The following GPC6 variants were observed in gnomAD, a reference collection of about 807,000 sequenced individuals.
GPC6 encodes the protein glypican-6.
GPC6 carries 14 observed loss-of-function variants against 55.2 expected under a neutral mutation model. The observed-to-expected ratio is 0.25, with a 90% CI of 0.17 to 0.40. The LOEUF (loss-of-function observed/expected upper bound fraction) is 0.40. GPC6 is among the 10% of genes least tolerant of loss of function. The pLI, the probability that GPC6 is intolerant of heterozygous loss-of-function variation, is 1.00. For synonymous variants in GPC6, 278 were observed against 259.6 expected (o/e 1.07, Z -0.68); for missense variants, 641 against 708.5 (o/e 0.90, Z 1.08).
chr13:93,493,589 C>T (rs1270912049), intron 1 of GPC6, among the ~76,000 whole-genome samples: 30 of 135,838 alleles, frequency 2.2e-4, no homozygotes, highest in African/African-American at 7.4e-4. Flanking sequence ...TGCTCTTGCT[C>T]TTCTAGTTCT....
At chr13:94,116,615 A>G (rs1408118740) in intron 4 of GPC6, among the ~76,000 whole-genome samples, 1 of 152,088 alleles carries the variant, frequency 6.6e-6, no homozygotes, top group African/African-American at 2.4e-5. Flanking sequence ...CCAGAAGATA[A>G]CTTTCCATTT....
intron 2 of GPC6, among the ~76,000 whole-genome samples, chr13:93,725,591 T>G (rs1883607381): frequency 6.6e-6 from 1 of 152,044 alleles, no homozygotes; most frequent in Non-Finnish European, 1.5e-5. Flanking sequence ...CGGTAAAGAT[T>G]TGGTCAGTTC....
At chr13:93,894,070 TGATGATAC>T (rs1318093115) in intron 3 of GPC6, among the ~76,000 whole-genome samples, 1 of 152,202 alleles carries the variant, frequency 6.6e-6, no homozygotes, top group African/African-American at 2.4e-5. Flanking sequence ...GTGGTCACTA[TGATGATAC>T]TACCTCTTTA....
At chr13:93,853,213 G>A (rs1348942186) in intron 3 of GPC6, among the ~76,000 whole-genome samples, 1 of 151,584 alleles carries the variant, frequency 6.6e-6, no homozygotes, top group African/African-American at 2.4e-5. Context: ...ATAATTCAAG[G>A]TTAAGTAACA....
chr13:94,000,578 G>T (rs80343726), intron 3 of GPC6, among the ~76,000 whole-genome samples: 2,095 of 152,272 alleles, frequency 0.014, 37 homozygotes, highest in East Asian at 0.082. Context: ...AAGTTGGACA[G>T]TTGGAACTGG....
chr13:94,231,834 A>C (rs1236995369), intron 4 of GPC6, among the ~76,000 whole-genome samples: 1 of 151,640 alleles, frequency 6.6e-6, no homozygotes, highest in Non-Finnish European at 1.5e-5. Flanking sequence ...TGAAAACACA[A>C]AAAAAATGTC....
chr13:93,903,662 A>G (rs1876482068), intron 3 of GPC6, among the ~76,000 whole-genome samples: 1 of 152,216 alleles, frequency 6.6e-6, no homozygotes, highest in East Asian at 1.9e-4. Context: ...GGAGATTATC[A>G]ATACAAACAA....
chr13:93,742,164 G>A (rs908155791), intron 2 of GPC6, among the ~76,000 whole-genome samples: 1 of 151,394 alleles, frequency 6.6e-6, no homozygotes, highest in South Asian at 2.1e-4. Context: ...TTTATTCGTG[G>A]AGATCTGTCT....
At chr13:94,060,057 A>G (rs974114184) in intron 4 of GPC6, among the ~76,000 whole-genome samples, 1 of 152,092 alleles carries the variant, frequency 6.6e-6, no homozygotes, top group Middle Eastern at 3.2e-3. Context: ...TTTCAAATTT[A>G]TTATACAGAA....
chr13:93,615,831 C>T (rs1303128550), intron 2 of GPC6, among the ~76,000 whole-genome samples: 2 of 152,050 alleles, frequency 1.3e-5, no homozygotes, highest in Non-Finnish European at 2.9e-5. Flanking sequence ...ACTAAAAATT[C>T]TAAAACTCTC....
chr13:93,774,055 G>A (rs972409966), intron 2 of GPC6, among the ~76,000 whole-genome samples: 2 of 152,154 alleles, frequency 1.3e-5, no homozygotes, highest in Non-Finnish European at 2.9e-5. Context: ...ACAGATCCGT[G>A]GGCATAGCTG....
At chr13:93,786,261 G>T (rs958047205) in intron 2 of GPC6, among the ~76,000 whole-genome samples, 17 of 152,102 alleles carry the variant, frequency 1.1e-4, no homozygotes, top group Admixed American at 2.6e-4. Flanking sequence ...CTGTCCACTG[G>T]AACTTCCAGA....
chr13:94,387,982 T>C (rs1034266513), intron 7 of GPC6, among the ~76,000 whole-genome samples: 1 of 152,196 alleles, frequency 6.6e-6, no homozygotes, highest in Non-Finnish European at 1.5e-5. Flanking sequence ...AGATTCAGCA[T>C]TTCTAACAAG....
chr13:93,465,664 G>A (rs974094324), intron 1 of GPC6, among the ~76,000 whole-genome samples: 3 of 152,154 alleles, frequency 2.0e-5, no homozygotes, highest in African/African-American at 7.2e-5. Flanking sequence ...CTCCATATCA[G>A]CATGAAGGCT....
At position 94,027,917 on chromosome 13, in the gene GPC6, C is replaced by T. The variant is rs368672418; in HGVS notation, c.877+23C>T. ...TAGGTAAGAAGTGTTTAAATGGATCCGAGAACAGAGACGGGACAACAGCAA... is the reference window on the plus strand; with the variant it reads ...TAGGTAAGAAGTGTTTAAATGGATCTGAGAACAGAGACGGGACAACAGCAA... On this transcript the variant is annotated intron_variant, in intron 4 of 8. Transcript: ENST00000377047. 29 of 1,607,530 alleles carry T rather than the reference C, an allele frequency of 1.8e-5. No individual in the cohort carries two copies. The African/African-American group carries it at 2.1e-4, about 12-fold the overall frequency.
intron 3 of GPC6, among the ~76,000 whole-genome samples, chr13:93,959,199 G>C (rs1566622809): frequency 6.9e-6 from 1 of 144,788 alleles, no homozygotes; most frequent in Non-Finnish European, 1.5e-5. Flanking sequence ...GACTCACTCT[G>C]TCTCTCAGGC....
intron 4 of GPC6, among the ~76,000 whole-genome samples, chr13:94,132,876 G>A (rs1276577064): frequency 6.6e-6 from 1 of 152,118 alleles, no homozygotes; most frequent in Non-Finnish European, 1.5e-5. Context: ...AGTTAGTCTA[G>A]CATTTAATAA....
chr13:93,929,463 A>G lies in GPC6; in HGVS notation c.712-98266A>G, dbSNP rs564848515. 2.6e-5 allele frequency among the ~76,000 whole-genome samples: 4 copies of G among 152,334 alleles called. No individual in the cohort carries two copies. The South Asian group carries it at 8.3e-4, about 32-fold the overall frequency. On this transcript the variant is annotated intron_variant, in intron 3 of 8. Coordinates refer to ENST00000377047, the MANE Select transcript of GPC6 (RefSeq NM_005708.5). ...AATCAGTTTAATGTGAATTTTTAAA[A>G]AATCTCTAACATTTTATACAAAATT...
chr13:93,659,699 T>C (rs185454919), intron 2 of GPC6, among the ~76,000 whole-genome samples: 443 of 152,154 alleles, frequency 2.9e-3, no homozygotes, highest in African/African-American at 0.01. Context: ...TATTCTCATG[T>C]TATCAATAGT....
Sources: allele counts gnomAD v4.1 joint callset (sites outside exome capture counted in the v4.1 genomes callset), GRCh38; gene constraint gnomAD v4.1.1; transcripts MANE v1.5; gene names NCBI Gene and HGNC (gene_info 2026-07-23, HGNC 2026-07-21).